Variants in NME7 observed in about 807,000 individuals in gnomAD.
NME7 encodes nucleoside diphosphate kinase 7.
A neutral mutation model predicts 49.1 loss-of-function variants in NME7; 41 were observed. That is an observed-to-expected ratio of 0.83 (90% CI 0.65 to 1.08). The LOEUF is 1.08. NME7 is among the 50% of genes least tolerant of loss of function. The pLI is 0.00. For missense variants in NME7, 423 were observed against 463.4 expected, an observed-to-expected ratio of 0.91 and a Z score of 0.80; for synonymous variants, 139 against 150.6, an observed-to-expected ratio of 0.92 and a Z score of 0.56.
At chr1:169,295,835 A>C (rs1650686019) in intron 6 of NME7, among the ~76,000 whole-genome samples, 1 of 152,024 alleles carries the variant, frequency 6.6e-6, no homozygotes, top group Admixed American at 6.6e-5. Flanking sequence ...AGACCAACCA[A>C]TACCTTATAC....
chr1:169,177,747 C>G (rs1228983637), intron 10 of NME7, among the ~76,000 whole-genome samples: 1 of 152,136 alleles, frequency 6.6e-6, no homozygotes, highest in African/African-American at 2.4e-5. Context: ...GTCACATCAA[C>G]CCCTTCCAAC....
intron 7 of NME7, among the ~76,000 whole-genome samples, chr1:169,276,848 C>T (rs575824171): frequency 5.6e-5 from 8 of 141,876 alleles, no homozygotes; most frequent in Non-Finnish European, 9.6e-5. Flanking sequence ...TCCCTCTACA[C>T]ACTGCTTTGA....
chr1:169,356,120 T>C (rs141933470), intron 1 of NME7, among the ~76,000 whole-genome samples: 2 of 152,180 alleles, frequency 1.3e-5, no homozygotes, highest in Non-Finnish European at 2.9e-5. Context: ...TTCAGAGGAT[T>C]ATCTTTCTTC....
intron 11 of NME7, among the ~76,000 whole-genome samples, chr1:169,135,556 T>C (rs1055567487): frequency 6.6e-6 from 1 of 152,178 alleles, no homozygotes; most frequent in African/African-American, 2.4e-5. Flanking sequence ...TGGTTTCAAA[T>C]TCAACTGAGA....
At chr1:169,158,338 T>C (rs532271300) in intron 11 of NME7, among the ~76,000 whole-genome samples, 11 of 152,386 alleles carry the variant, frequency 7.2e-5, no homozygotes, top group African/African-American at 2.4e-4. Context: ...TAATATTTCC[T>C]CATACTACTC....
chr1:169,193,779 G>A (rs3766074), intron 10 of NME7, among the ~76,000 whole-genome samples: 12,538 of 151,904 alleles, frequency 0.083, 705 homozygotes, highest in Admixed American at 0.19. Context: ...ATTGGAATAG[G>A]GTTATTTTTA....
chr1:169,234,426 G>A (rs1395226410), intron 9 of NME7, among the ~76,000 whole-genome samples: 2 of 152,066 alleles, frequency 1.3e-5, no homozygotes, highest in Admixed American at 6.5e-5. Context: ...ACATGTTGAA[G>A]CAGAAAATAC....
intron 7 of NME7, among the ~76,000 whole-genome samples, chr1:169,241,584 T>C (rs1056837540): frequency 4.6e-5 from 7 of 151,948 alleles, no homozygotes; most frequent in African/African-American, 1.4e-4. Context: ...TAAGAATAAA[T>C]AGGACAAGTT....
intron 10 of NME7, among the ~76,000 whole-genome samples, chr1:169,213,950 A>G (rs991453253): frequency 3.3e-5 from 5 of 152,126 alleles, no homozygotes; most frequent in African/African-American, 1.2e-4. Flanking sequence ...TCTTTGTAAT[A>G]CATATTGATT....
chr1:169,298,422 T>C, intron 6 of NME7, 134 bp downstream of exon 6: 1 of 807,268 alleles, frequency 1.2e-6, no homozygotes, highest in Non-Finnish European at 2.0e-6. Context: ...GTAGGCAAGA[T>C]GTCAAAGGTT....
intron 10 of NME7, among the ~76,000 whole-genome samples, chr1:169,175,009 AACTTTTTTTG>A (rs1490072862): frequency 6.6e-6 from 1 of 151,832 alleles, no homozygotes; most frequent in African/African-American, 2.4e-5. Flanking sequence ...AGTATTTTTT[AACTTTTTTTG>A]ACTCTTTTGT....
chr1:169,329,681 C>T (rs193259276), intron 1 of NME7, among the ~76,000 whole-genome samples: 3 of 151,920 alleles, frequency 2.0e-5, no homozygotes, highest in African/African-American at 7.2e-5. Context: ...TGAAGCACAC[C>T]TATAGGATCT....
intron 7 of NME7, among the ~76,000 whole-genome samples, chr1:169,279,146 C>T (rs1373738086): frequency 1.3e-5 from 2 of 152,194 alleles, no homozygotes; most frequent in African/African-American, 4.8e-5. Context: ...GTCAGGGACC[C>T]ACTTGAGGAG....
Position 169,298,597 on chromosome 1 carries a change from T to G in NME7, c.607A>C (p.Asn203His), listed in dbSNP as rs779976900. The G allele has an allele frequency of 6.2e-7, 1 of 1,613,928 alleles. No individual in the cohort carries two copies. The highest frequency in any genetic ancestry group is 1.1e-5 in the South Asian group (1 of 91,082). The change falls in exon 6 of 12, where the codon AAT (asparagine) becomes CAT (histidine). Residue 203 changes from asparagine (N) to histidine (H), a missense_variant. By Grantham distance (68) the Asn-to-His change is moderately conservative (BLOSUM62 1). Transcript: ENST00000367811. ...RALFGTDGIRNAAHGPDSFAS... is the reference protein window; with the variant it reads ...RALFGTDGIRHAAHGPDSFAS... ...AAAGAATCAGGGCCATGCGCTGCAT[T>G]TCTTATGCCATCTGTTCCAAAGAGG...
At chr1:169,242,666 T>G (rs960221936) in intron 7 of NME7, among the ~76,000 whole-genome samples, 1 of 145,780 alleles carries the variant, frequency 6.9e-6, no homozygotes, top group East Asian at 1.9e-4. Flanking sequence ...ACTGTCTATA[T>G]AGAAAATCCC....
At chr1:169,169,952 C>G (rs149456173) in intron 10 of NME7, among the ~76,000 whole-genome samples, 47 of 152,150 alleles carry the variant, frequency 3.1e-4, no homozygotes, top group African/African-American at 1.1e-3. Context: ...AATATGGTCA[C>G]AAATAGCCCT....
At chr1:169,181,377 ACAC>A (rs760550609) in intron 10 of NME7, among the ~76,000 whole-genome samples, 36,630 of 151,278 alleles carry the variant, frequency 0.24, 5,332 homozygotes, top group Non-Finnish European at 0.34. Context: ...ACACACACAC[ACAC>A]ACACACACAC....
At position 169,274,824 on chromosome 1, in the gene NME7, A is replaced by C. The variant is rs1342409649; in HGVS notation, c.754+12479T>G. ...GGGCTCTGTTGTGTTCCATTCATCT[A>C]TCTCTCTGTTTTGGTACCAGTACCA... On this transcript the variant is annotated intron_variant, in intron 7 of 11. Transcript: ENST00000367811. 2.3e-5 allele frequency among the ~76,000 whole-genome samples: 3 copies of C among 132,974 alleles called. 1 individual carries two copies. Among genetic ancestry groups the C allele is most frequent in the Non-Finnish European group, 5.3e-5 (3 of 56,706 alleles). 87.2% of individuals were successfully genotyped at this position (132,974 alleles called of 152,430 possible). A position where few individuals can be genotyped will look rare whatever the true frequency, so the allele number is the denominator to read the frequency against.
At chr1:169,176,549 G>A (rs1186907030) in intron 10 of NME7, among the ~76,000 whole-genome samples, 1 of 152,072 alleles carries the variant, frequency 6.6e-6, no homozygotes, top group Non-Finnish European at 1.5e-5. Context: ...TATTTCAGGT[G>A]AAATATTTAG....
Sources: allele counts gnomAD v4.1 joint callset (sites outside exome capture counted in the v4.1 genomes callset), GRCh38; gene constraint gnomAD v4.1.1; transcripts MANE v1.5; gene names NCBI Gene and HGNC (gene_info 2026-07-23, HGNC 2026-07-21).